The following MYT1L variants were observed in gnomAD, a reference collection of about 807,000 sequenced individuals.
MYT1L encodes myelin transcription factor 1-like protein.
Under a neutral mutation model 126.7 loss-of-function variants are expected in MYT1L, and 12 were observed. The observed-to-expected ratio is 0.09, with a 90% confidence interval of 0.06 to 0.15. The LOEUF is 0.15. Ranked by LOEUF, MYT1L falls within the 10% of genes least tolerant of loss-of-function variation. MYT1L has a pLI of 1.00. For missense variants in MYT1L, 979 were observed against 1,585.2 expected (o/e 0.62, Z 6.49); for synonymous variants, 541 against 604.2 (o/e 0.90, Z 1.53).
chr2:2,250,961 A>G (rs950155823), intron 2 of MYT1L, among the ~76,000 whole-genome samples: 10 of 152,168 alleles, frequency 6.6e-5, no homozygotes, highest in African/African-American at 2.4e-4. Flanking sequence ...TAAAATTAGA[A>G]AATGTTAAAT....
chr2:2,321,281 G>A (rs1428922940), intron 1 of MYT1L, among the ~76,000 whole-genome samples: 2 of 152,220 alleles, frequency 1.3e-5, no homozygotes, highest in African/African-American at 4.8e-5. Context: ...GGCAGATGCG[G>A]CACTGATTTC....
At chr2:2,191,408 A>G (rs897191165) in intron 2 of MYT1L, among the ~76,000 whole-genome samples, 32 of 152,194 alleles carry the variant, frequency 2.1e-4, no homozygotes, top group Admixed American at 2.1e-3. Context: ...ATTATGAAGA[A>G]CATGTGAGAG....
At chr2:2,056,114 G>A (rs1450606309) in intron 3 of MYT1L, among the ~76,000 whole-genome samples, 1 of 152,186 alleles carries the variant, frequency 6.6e-6, no homozygotes, top group South Asian at 2.1e-4. Flanking sequence ...TATTTGGAGC[G>A]TGCTCTGTTC....
chr2:2,044,388 T>A (rs2067912470), intron 4 of MYT1L, among the ~76,000 whole-genome samples: 1 of 152,214 alleles, frequency 6.6e-6, no homozygotes, highest in South Asian at 2.1e-4. Flanking sequence ...CAAATGCAGA[T>A]ATGGTGTGCC....
At chr2:2,110,834 G>A (rs936153585) in intron 3 of MYT1L, among the ~76,000 whole-genome samples, 7 of 152,258 alleles carry the variant, frequency 4.6e-5, no homozygotes, top group Non-Finnish European at 1.0e-4. Context: ...GCTTATGGGG[G>A]GCAGTATGGA....
chr2:2,198,047 C>T (rs2092902914), intron 2 of MYT1L, among the ~76,000 whole-genome samples: 2 of 151,382 alleles, frequency 1.3e-5, no homozygotes, highest in Admixed American at 6.6e-5. Context: ...ATAATATATA[C>T]ACACACACGT....
At position 1,811,757 on chromosome 2, in the gene MYT1L, G is replaced by A. The variant is rs187866425; in HGVS notation, c.3081-2590C>T. Among the ~76,000 whole-genome samples the A allele has an allele frequency of 9.7e-4, 147 of 152,216 alleles. 1 individual carries two copies. The highest frequency in any genetic ancestry group is 3.1e-3 in the African/African-American group (129 of 41,528). On this transcript the variant is annotated intron_variant, in intron 21 of 24. Coordinates refer to ENST00000647738, the MANE Select transcript of MYT1L (RefSeq NM_001303052.2). The surrounding 1 kb of genome is among the most constrained non-coding windows in gnomAD (Gnocchi z 4.4). The stretch of plus-strand genomic sequence containing the variant: ...GGCGTGAACGAACCCCTCGCGTTCC[G>A]GAGGGAACAGGCTCCTCTTCAGTCC...
chr2:1,842,884 C>CCGCTTCCAGGCGGTTCCGCTTCCAGGCGG (rs2041962820), intron 19 of MYT1L: 1 of 168,476 alleles, frequency 5.9e-6, no homozygotes, highest in East Asian at 1.8e-4. Flanking sequence ...CTTCCAGGCG[C>CCGCTTCCAGGCGGTTCCGCTTCCAGGCGG]TTCCGCTTCC....
rs140011895 is a variant in MYT1L at position 2,084,962 on chromosome 2, G to A, written c.-303-30839C>T. ...GCCCATCAGAGGCAACCAGGCCAAG[G>A]CTGCATCCCCTGGCCAGCCCTCCTC... On this transcript the variant is annotated intron_variant, in intron 3 of 24. Transcript: ENST00000647738. Among the ~76,000 whole-genome samples the A allele has an allele frequency of 3.3e-5, 5 of 152,248 alleles. No individual in the cohort carries two copies. The East Asian group carries it at 9.7e-4, about 30-fold the overall frequency.
chr2:2,202,092 T>C (rs1473452797), intron 2 of MYT1L, among the ~76,000 whole-genome samples: 1 of 152,070 alleles, frequency 6.6e-6, no homozygotes, highest in Non-Finnish European at 1.5e-5. Context: ...AGACACAACA[T>C]ACCAGAATCT....
At chr2:2,225,938 C>T (rs1173565635) in intron 2 of MYT1L, among the ~76,000 whole-genome samples, 1 of 152,122 alleles carries the variant, frequency 6.6e-6, no homozygotes, top group Admixed American at 6.5e-5. Context: ...GAAGCTTGCC[C>T]CAGGTCAGAG....
At chr2:1,990,856 C>A (rs143743175) in intron 5 of MYT1L, among the ~76,000 whole-genome samples, 34 of 152,334 alleles carry the variant, frequency 2.2e-4, no homozygotes, top group Non-Finnish European at 4.6e-4. Flanking sequence ...AGAAGCAAGG[C>A]TGGCGCATGC....
intron 14 of MYT1L, among the ~76,000 whole-genome samples, chr2:1,896,050 A>G (rs1295203073): frequency 6.6e-6 from 1 of 152,232 alleles, no homozygotes; most frequent in Non-Finnish European, 1.5e-5. Flanking sequence ...CACTTCTCAA[A>G]AGAAGACATA....
chr2:1,900,886 A>C (rs1239866992), intron 14 of MYT1L, among the ~76,000 whole-genome samples: 4 of 152,154 alleles, frequency 2.6e-5, no homozygotes, highest in Non-Finnish European at 4.4e-5. Context: ...TTTAGTGTCC[A>C]CAGGAGGGCC....
intron 3 of MYT1L, among the ~76,000 whole-genome samples, chr2:2,068,301 G>A (rs1227797187): frequency 6.6e-6 from 1 of 152,100 alleles, no homozygotes; most frequent in Non-Finnish European, 1.5e-5. Flanking sequence ...AGGAGAGTCC[G>A]AGGTTGCAGT....
At chr2:1,908,456 G>A (rs2051413332) in intron 13 of MYT1L, among the ~76,000 whole-genome samples, 1 of 152,030 alleles carries the variant, frequency 6.6e-6, no homozygotes, top group African/African-American at 2.4e-5. Flanking sequence ...CGGGAGCAGG[G>A]CAGCCCGAAG....
chr2:2,179,238 T>C (rs1007381765), intron 2 of MYT1L, among the ~76,000 whole-genome samples: 1 of 152,186 alleles, frequency 6.6e-6, no homozygotes, highest in Non-Finnish European at 1.5e-5. Context: ...TGGTTCTGCA[T>C]CTCATTGAAT....
intron 18 of MYT1L, among the ~76,000 whole-genome samples, chr2:1,884,322 C>A (rs1214910410): frequency 1.3e-5 from 2 of 152,132 alleles, no homozygotes; most frequent in African/African-American, 4.8e-5. Flanking sequence ...ATTAACCAAA[C>A]CCTTGAAAAT....
intron 4 of MYT1L, among the ~76,000 whole-genome samples, chr2:2,000,187 C>T (rs889460962): frequency 6.6e-6 from 1 of 152,056 alleles, no homozygotes; most frequent in Non-Finnish European, 1.5e-5. Flanking sequence ...CCTCTGTGGC[C>T]ACAACCTGGT....
Sources: gnomAD v4.1 joint callset for allele counts (sites outside exome capture counted in the v4.1 genomes callset) on GRCh38, gnomAD v4.1.1 for gene constraint, Gnocchi (gnomAD v3.1) non-coding constraint, MANE v1.5 for transcripts, NCBI Gene and HGNC (gene_info 2026-07-23, HGNC 2026-07-21) for gene names.